The following COL5A2 variants were observed in gnomAD, a reference collection of about 807,000 sequenced individuals.
COL5A2 encodes the protein collagen type V alpha 2 chain.
COL5A2 carries 23 observed loss-of-function variants against 208.2 expected under a neutral mutation model. The ratio of observed to expected loss-of-function variants is 0.11; its 90% CI spans 0.08 to 0.16. The LOEUF (loss-of-function observed/expected upper bound fraction) is 0.16, where lower values mean the gene tolerates loss of function less well. COL5A2 is among the 10% of genes least tolerant of loss of function. The probability of loss-of-function intolerance (pLI) is 1.00; values close to 1 mark genes in which losing one functional copy is unlikely to be tolerated. For missense variants in COL5A2, 1,590 were observed against 1,956.4 expected (o/e 0.81, Z 3.53); for synonymous variants, 625 against 628.5 (o/e 0.99, Z 0.08).
chr2:189,150,252 G>A (rs942061776), intron 1 of COL5A2, among the ~76,000 whole-genome samples: 29 of 152,050 alleles, frequency 1.9e-4, no homozygotes, highest in African/African-American at 6.8e-4. Flanking sequence ...TATTACAATC[G>A]TACTTTAGAG....
chr2:189,341,260 A>G, the COL5A2 span, among the ~76,000 whole-genome samples: 1 of 152,168 alleles, frequency 6.6e-6, no homozygotes, highest in Non-Finnish European at 1.5e-5. Flanking sequence ...CATGACTCTA[A>G]CATGTCACAA....
At chr2:189,440,846 G>T in the COL5A2 span, among the ~76,000 whole-genome samples, 1 of 152,158 alleles carries the variant, frequency 6.6e-6, no homozygotes, top group Non-Finnish European at 1.5e-5. Flanking sequence ...AGCCCGAGCA[G>T]CTACACTGAA....
chr2:189,342,640 A>AACACACAC, the COL5A2 span, among the ~76,000 whole-genome samples: 1,054 of 143,670 alleles, frequency 7.3e-3, 8 homozygotes, highest in African/African-American at 0.024. Context: ...AGAGAGCTAA[A>AACACACAC]ACACACACAC....
chr2:189,425,469 A>C, the COL5A2 span, among the ~76,000 whole-genome samples: 1 of 152,226 alleles, frequency 6.6e-6, no homozygotes, highest in African/African-American at 2.4e-5. Flanking sequence ...AGATGAATAG[A>C]ATTTTTTAAA....
rs763787551 is a variant in COL5A2 at position 189,097,319 on chromosome 2, T to A, written c.414A>T (p.Gly138=). 11 of 1,614,122 alleles carry A rather than the reference T, an allele frequency of 6.8e-6. No individual in the cohort carries two copies. The South Asian group carries it at 1.1e-4, about 16-fold the overall frequency. The change falls in exon 6 of 54, where the codon GGA becomes GGT. Residue 138 remains glycine, a synonymous_variant. Transcript: ENST00000374866. ...CTCGCTCTCCTCTTGGTCCCTGTGA[T>A]CCTGGAGGTCCCTAAAACAGAAAAT... is the stretch of plus-strand genomic sequence containing the variant. The part of the protein sequence containing the change: ...RGRPGPAGPP[G]SQGPRGERGP...
At chr2:189,229,938 T>TA (rs1300204807), upstream of COL5A2, among the ~76,000 whole-genome samples, 2 of 151,794 alleles carry the variant, frequency 1.3e-5, no homozygotes, top group East Asian at 3.9e-4. Flanking sequence ...TCGGCTGTAT[T>TA]ACAAAGCTAC....
the COL5A2 span, among the ~76,000 whole-genome samples, chr2:189,325,679 G>T: frequency 2.0e-5 from 3 of 152,098 alleles, no homozygotes; most frequent in Non-Finnish European, 4.4e-5. Context: ...ATCAAAGGAG[G>T]AAAAATGTAC....
At position 189,066,370 on chromosome 2, in the gene COL5A2, G is replaced by A; in HGVS notation, c.1563+20C>T. The A allele has an allele frequency of 6.3e-7, 1 of 1,580,396 alleles. No individual in the cohort carries two copies. Among genetic ancestry groups the A allele is most frequent in the Admixed American group, 1.7e-5 (1 of 59,976 alleles). ...AATTCCCTCACAACTGTAAGAATGT[G>A]TTGTATTATTTAAATTTACCCTTTC... On this transcript the variant is annotated intron_variant, in intron 23 of 53. Transcript: ENST00000374866.
chr2:189,037,162 G>A (rs1368216415), intron 51 of COL5A2, among the ~76,000 whole-genome samples: 1 of 152,108 alleles, frequency 6.6e-6, no homozygotes, highest in East Asian at 1.9e-4. Flanking sequence ...TAGAATGAGT[G>A]TAACAAAATA....
intron 4 of COL5A2, among the ~76,000 whole-genome samples, chr2:189,099,862 T>C (rs569309437): frequency 1.3e-5 from 2 of 152,290 alleles, no homozygotes; most frequent in South Asian, 2.1e-4. Context: ...ACATGTAATA[T>C]ATTTAACTTT....
intron 1 of COL5A2, among the ~76,000 whole-genome samples, chr2:189,155,139 C>A (rs972392034): frequency 6.6e-6 from 1 of 151,946 alleles, no homozygotes. Context: ...GCCACCAAAC[C>A]TAGTTAACTT....
chr2:189,136,202 A>C (rs896792616), intron 1 of COL5A2, among the ~76,000 whole-genome samples: 9 of 152,186 alleles, frequency 5.9e-5, no homozygotes, highest in African/African-American at 1.9e-4. Flanking sequence ...TGTTCATAGG[A>C]AATTAATTTG....
intron 1 of COL5A2, among the ~76,000 whole-genome samples, chr2:189,217,225 G>A (rs1689290193): frequency 6.6e-6 from 1 of 152,144 alleles, no homozygotes; most frequent in Non-Finnish European, 1.5e-5. Flanking sequence ...CAGGACTAGA[G>A]GTCATAAATT....
chr2:189,368,363 C>A, the COL5A2 span, among the ~76,000 whole-genome samples: 2 of 152,110 alleles, frequency 1.3e-5, no homozygotes, highest in African/African-American at 2.4e-5. Context: ...ACTGGCTGAT[C>A]CAACTTCAAG....
At chr2:189,115,159 A>C (rs1687363100) in intron 1 of COL5A2, among the ~76,000 whole-genome samples, 1 of 152,180 alleles carries the variant, frequency 6.6e-6, no homozygotes, top group Non-Finnish European at 1.5e-5. Context: ...GATATATTTT[A>C]TCTGATCACA....
chr2:189,357,363 C>T, the COL5A2 span, among the ~76,000 whole-genome samples: 27 of 152,178 alleles, frequency 1.8e-4, no homozygotes, highest in Non-Finnish European at 3.5e-4. Context: ...TGCTCTGTCT[C>T]AGGGAGATGG....
At chr2:189,287,415 G>A in the COL5A2 span, among the ~76,000 whole-genome samples, 1 of 151,792 alleles carries the variant, frequency 6.6e-6, no homozygotes, top group Non-Finnish European at 1.5e-5. Flanking sequence ...CAGGATCAGC[G>A]ACTTGGAAGG....
intron 1 of COL5A2, among the ~76,000 whole-genome samples, chr2:189,146,559 A>G (rs899722770): frequency 6.6e-6 from 1 of 152,176 alleles, no homozygotes; most frequent in Admixed American, 6.5e-5. Flanking sequence ...ATTCAAAATG[A>G]TTAAGCCTAG....
the COL5A2 span, among the ~76,000 whole-genome samples, chr2:189,293,159 A>G: frequency 6.6e-6 from 1 of 152,044 alleles, no homozygotes; most frequent in Non-Finnish European, 1.5e-5. Context: ...ACACTAAATG[A>G]CGAGTTAATG....
Sources: gnomAD v4.1 joint callset for allele counts (sites outside exome capture counted in the v4.1 genomes callset) on GRCh38, gnomAD v4.1.1 for gene constraint, MANE v1.5 for transcripts, NCBI Gene and HGNC (gene_info 2026-07-23, HGNC 2026-07-21) for gene names.